QRFPR: variants seen among roughly 807,000 people sequenced by gnomAD.
QRFPR encodes pyroglutamylated RFamide peptide receptor.
A neutral mutation model predicts 31.3 loss-of-function variants in QRFPR; 37 were observed. That is an observed-to-expected ratio of 1.18 (90% confidence interval 0.91 to 1.56). The LOEUF (loss-of-function observed/expected upper bound fraction) is 1.56. QRFPR is among the 40% of genes most tolerant of loss of function. QRFPR has a pLI of 0.00. For missense variants in QRFPR, 542 were observed against 532.5 expected, an observed-to-expected ratio of 1.02 and a Z score of -0.18; for synonymous variants, 197 against 192.0, an observed-to-expected ratio of 1.03 and a Z score of -0.22.
chr4:121,356,245 A>G (rs548509430), intron 1 of QRFPR, among the ~76,000 whole-genome samples: 1 of 152,122 alleles, frequency 6.6e-6, no homozygotes, highest in South Asian at 2.1e-4. Flanking sequence ...TGGGTGTTCC[A>G]ATGTTGCTTA....
chr4:121,333,202 G>A (rs1318807642), intron 3 of QRFPR, 146 bp from the exon 4 acceptor site: 1 of 602,938 alleles, frequency 1.7e-6, no homozygotes, highest in Admixed American at 3.0e-5. Context: ...ATTTTTAATT[G>A]TTCTTTTGTT....
rs184632374 is a variant in QRFPR, at chr4:121,354,589, G to A, written c.341-13979C>T. Among the ~76,000 whole-genome samples the A allele has an allele frequency of 7.2e-5, 11 of 151,842 alleles. No homozygotes were observed. The East Asian group carries it at 1.7e-3, about 24-fold the overall frequency. On this transcript the variant is annotated intron_variant, in intron 1 of 5. Transcript: ENST00000394427. ...CTCTGTCTAGGACTTCTAGTTCTAT[G>A]TTGAAAAAAAGAGGTGAAAATGAGC...
intron 5 of QRFPR, 127 bp from the exon 6 acceptor site, chr4:121,329,841 G>T: frequency 4.3e-6 from 3 of 694,272 alleles, no homozygotes; most frequent in South Asian, 2.5e-5. Context: ...TCTCAAGATC[G>T]TTTTGGGAGA....
intron 5 of QRFPR, 129 bp downstream of exon 5, chr4:121,330,297 T>C: frequency 1.5e-6 from 1 of 659,194 alleles, no homozygotes; most frequent in Non-Finnish European, 2.6e-6. Flanking sequence ...CTTGAAGACA[T>C]GAAAGAAATA....
intron 1 of QRFPR, among the ~76,000 whole-genome samples, chr4:121,368,100 T>C (rs1431134174): frequency 6.7e-6 from 1 of 149,354 alleles, no homozygotes; most frequent in Non-Finnish European, 1.5e-5. Context: ...TGAGGAGAAA[T>C]AAAAAAGTGG....
chr4:121,332,767 C>T (rs1041611110), intron 4 of QRFPR, 54 bp downstream of exon 4: 2 of 1,386,642 alleles, frequency 1.4e-6, no homozygotes, highest in Non-Finnish European at 2.0e-6. Context: ...ACCATCCCTT[C>T]CAGCACAATT....
chr4:121,365,533 T>TATATA (rs1560743568), intron 1 of QRFPR, among the ~76,000 whole-genome samples: 577 of 8,878 alleles, frequency 0.065, 97 homozygotes, highest in African/African-American at 0.28. Context: ...ATATTATATA[T>TATATA]AATATATATT....
chr4:121,329,482 A>G lies in QRFPR; in HGVS notation c.1128T>C (p.Phe376=). 1 of 1,614,162 alleles carries G rather than the reference A, an allele frequency of 6.2e-7. No homozygotes were observed. The highest frequency in any genetic ancestry group is 8.5e-7 in the Non-Finnish European group (1 of 1,180,024). ...CCTCCACTGGATTCTCTCTGAGGGA[A>G]AACTTTGCTTTCTTCCGCATCATTG... The part of the protein sequence containing the change: ...GITMMRKKAK[F]SLRENPVEET... Residue 376 remains phenylalanine, a synonymous_variant, in exon 6 of 6, where the codon TTT becomes TTC. Transcript: ENST00000394427.
intron 1 of QRFPR, chr4:121,369,838 T>G (rs1298966775): frequency 2.9e-6 from 3 of 1,032,494 alleles, no homozygotes; most frequent in African/African-American, 1.6e-5. Flanking sequence ...ACAGGGCTGA[T>G]GCAGGTGGCC....
At chr4:121,333,143 T>G (rs539983896) in intron 3 of QRFPR, 87 bp from the exon 4 acceptor site, 50 of 800,032 alleles carry the variant, frequency 6.2e-5, no homozygotes, top group Non-Finnish European at 8.1e-5. Context: ...ACACAACATT[T>G]TTTAAGTTCT....
chr4:121,364,556 T>C (rs1434641815), intron 1 of QRFPR, among the ~76,000 whole-genome samples: 2 of 148,282 alleles, frequency 1.3e-5, no homozygotes, highest in Non-Finnish European at 3.0e-5. Context: ...AGGAGAATGG[T>C]GTGAACCTGG....
intron 4 of QRFPR, 127 bp from the exon 5 acceptor site, chr4:121,330,650 G>A (rs1725304485): frequency 1.5e-6 from 1 of 653,550 alleles, no homozygotes; most frequent in Admixed American, 2.5e-5. Context: ...CTCACGATAG[G>A]TTATTCGTGG....
chr4:121,366,045 T>C (rs1271964222), intron 1 of QRFPR, among the ~76,000 whole-genome samples: 1 of 149,078 alleles, frequency 6.7e-6, no homozygotes, highest in Non-Finnish European at 1.5e-5. Context: ...GTCTTCCAGG[T>C]CTCAAACTAG....
chr4:121,348,225 A>G (rs1725694731), intron 1 of QRFPR, among the ~76,000 whole-genome samples: 1 of 152,208 alleles, frequency 6.6e-6, no homozygotes, highest in African/African-American at 2.4e-5. Context: ...GTGGATGATA[A>G]TAACAGTACT....
At chr4:121,342,738 A>T (rs1181371648) in intron 1 of QRFPR, among the ~76,000 whole-genome samples, 6 of 152,202 alleles carry the variant, frequency 3.9e-5, no homozygotes, top group African/African-American at 1.4e-4. Context: ...CCCAGCTTTA[A>T]GAATGGCAAT....
chr4:121,332,444 A>G (rs1725344454), intron 4 of QRFPR, among the ~76,000 whole-genome samples: 1 of 152,184 alleles, frequency 6.6e-6, no homozygotes, highest in African/African-American at 2.4e-5. Flanking sequence ...CTCCTTGTAC[A>G]TATGCGGGAA....
intron 1 of QRFPR, chr4:121,369,958 G>A: frequency 1.3e-6 from 1 of 764,548 alleles, no homozygotes; most frequent in East Asian, 2.4e-5. Flanking sequence ...TGTGTAGCCA[G>A]GATCTCTCAG....
intron 1 of QRFPR, among the ~76,000 whole-genome samples, chr4:121,375,411 T>C (rs1265769426): frequency 6.6e-6 from 1 of 152,194 alleles, no homozygotes. Flanking sequence ...AACTTGGCTT[T>C]TCCACAGAAA....
At chr4:121,333,179 TC>T in intron 3 of QRFPR, 123 bp from the exon 4 acceptor site, 1 of 621,608 alleles carries the variant, frequency 1.6e-6, no homozygotes, top group Non-Finnish European at 2.8e-6. Flanking sequence ...AGCACGTATT[TC>T]AAATGAGATA....
Sources: allele counts gnomAD v4.1 joint callset (sites outside exome capture counted in the v4.1 genomes callset), GRCh38; gene constraint gnomAD v4.1.1; transcripts MANE v1.5; gene names NCBI Gene and HGNC (gene_info 2026-07-23, HGNC 2026-07-21).